The following NKX6-3 variants were observed in gnomAD, a reference collection of about 807,000 sequenced individuals.
NKX6-3 encodes the protein homeobox protein Nkx-6.3.
Under a neutral mutation model 22.0 loss-of-function variants are expected in NKX6-3, and 17 were observed. The ratio of observed to expected loss-of-function variants is 0.77; its 90% CI spans 0.53 to 1.16. The LOEUF is 1.16. NKX6-3 is among the 50% of genes most tolerant of loss of function. The pLI is 0.00. For missense variants in NKX6-3, 363 were observed against 359.0 expected, an observed-to-expected ratio of 1.01 and a Z score of -0.09; for synonymous variants, 177 against 167.2, an observed-to-expected ratio of 1.06 and a Z score of -0.45.
Position 41,650,506 on chromosome 8 carries a change from G to A in NKX6-3, c.-14C>T, listed in dbSNP as rs1223356717. Reference sequence around the variant, plus strand: ...GTTGGACTCCATGATCTCCCAGTCAGGACAGGGAAGGCTTCTCCAGGCCCC... The same window carrying A: ...GTTGGACTCCATGATCTCCCAGTCAAGACAGGGAAGGCTTCTCCAGGCCCC... On this transcript the variant is annotated 5_prime_UTR_variant, in exon 1 of 3. Coordinates refer to ENST00000518699, the MANE Select transcript of NKX6-3 (RefSeq NM_001364841.2). 2 of 1,533,994 alleles carry A rather than the reference G, an allele frequency of 1.3e-6. No homozygotes were observed. Among genetic ancestry groups the A allele is most frequent in the African/African-American group, 2.7e-5 (2 of 72,994 alleles).
Position 41,646,694 on chromosome 8 carries a change from C to A in NKX6-3, c.553G>T (p.Val185Leu). 6.5e-7 allele frequency: 1 copy of A among 1,538,918 alleles called. No individual in the cohort carries two copies. Among genetic ancestry groups the A allele is most frequent in the Non-Finnish European group, 8.7e-7 (1 of 1,145,842 alleles). ...TTGGTCCTGCGGTTCTGGAACCACA[C>A]CTGCGATGAGAAAGAATGTGAAGGG... ...SLGMTESQVK[V>L]WFQNRRTKWR... The change falls in exon 3 of 3, where the codon GTG becomes TTG. Residue 185 changes from valine to leucine, a missense_variant and splice_region_variant. Around this residue, in one of 3 missense-constraint regions of NKX6-3, gnomAD observed 169 missense variants for 155.8 expected, o/e 1.08. Transcript: ENST00000518699.
intron 2 of NKX6-3, 45 bp from the exon 3 acceptor site, chr8:41,646,739 CGGG>C: frequency 6.6e-7 from 1 of 1,517,964 alleles, no homozygotes; most frequent in Non-Finnish European, 8.8e-7. Context: ...ACAGCGCGCA[CGGG>C]ACGCGAGAAC....
At chr8:41,647,955 C>T (rs909645388) in intron 2 of NKX6-3, 111 bp downstream of exon 2, 16 of 961,898 alleles carry the variant, frequency 1.7e-5, no homozygotes, top group African/African-American at 3.3e-5. Context: ...GACACCAGGA[C>T]AGCTGCCCTC....
At chr8:41,647,283 C>CG in intron 2 of NKX6-3, 1 of 1,605,230 alleles carries the variant, frequency 6.2e-7, no homozygotes, top group South Asian at 1.1e-5. Flanking sequence ...GAGGGCGCAG[C>CG]GGGTTGGAGC....
chr8:41,649,570 G>C (rs1804274115), intron 1 of NKX6-3, among the ~76,000 whole-genome samples: 1 of 152,194 alleles, frequency 6.6e-6, no homozygotes, highest in Non-Finnish European at 1.5e-5. Flanking sequence ...CAGGCTACTT[G>C]GTGTGGCTGC....
Position 41,646,280 on chromosome 8 carries a change from GCCTCCCCTCCT to G in NKX6-3, c.*158_*168del, listed in dbSNP as rs1391515502. 1 of 751,924 alleles carries G rather than the reference GCCTCCCCTCCT, an allele frequency of 1.3e-6. No homozygotes were observed. Among genetic ancestry groups the G allele is most frequent in the Non-Finnish European group, 2.0e-6 (1 of 498,490 alleles). The allele number at this position is 751,924 out of a possible 1,614,324, so 46.6% of individuals were successfully genotyped here. On this transcript the variant is annotated 3_prime_UTR_variant, in exon 3 of 3. Coordinates refer to ENST00000518699, the MANE Select transcript of NKX6-3 (RefSeq NM_001364841.2). ...TCCCTCCTTTTCCTCCTCCTCCCCC[GCCTCCCCTCCT>G]CCTCCCCTGCACCTGCTGCTCCTCC...
rs1404988573 is a variant in NKX6-3 at position 41,646,480 on chromosome 8, G to T, written c.767C>A (p.Ser256Ter). The change falls in exon 3 of 3, where the codon TCG becomes TAG. Residue 256 changes from serine to a stop codon, truncating the protein, a stop_gained. Transcript: ENST00000518699. LOFTEE classifies it high-confidence loss of function. ...LLLRKHRAAFSVLSLGAHSV is the reference protein window; with the variant it reads ...LLLRKHRAAF ...GCTGTGCGCTCCCAGGCTGAGCACC[G>T]AGAAGGCGGCGCGGTGCTTGCGCAG... 3.1e-6 allele frequency: 5 copies of T among 1,607,224 alleles called. No homozygotes were observed. In the Admixed American group the frequency reaches 8.4e-5, roughly 27 times the overall value.
At chr8:41,649,041 T>C (rs1804263906) in intron 1 of NKX6-3, among the ~76,000 whole-genome samples, 2 of 151,474 alleles carry the variant, frequency 1.3e-5, no homozygotes, top group Non-Finnish European at 2.9e-5. Flanking sequence ...ACTGAAGAGG[T>C]GGTGTGTGGG....
intron 1 of NKX6-3, among the ~76,000 whole-genome samples, chr8:41,649,309 C>G (rs1411922011): frequency 1.3e-5 from 2 of 152,152 alleles, no homozygotes; most frequent in Non-Finnish European, 2.9e-5. Flanking sequence ...GCCCGGAGAT[C>G]AGACAGAAAT....
At position 41,650,360 on chromosome 8, in the gene NKX6-3, G is replaced by C. The variant is rs1307429837; in HGVS notation, c.133C>G (p.Pro45Ala). 6.5e-7 allele frequency: 1 copy of C among 1,535,168 alleles called. No homozygotes were observed. The change falls in exon 1 of 3, where the codon CCC becomes GCC. Residue 45 changes from proline to alanine, a missense_variant. By Grantham distance (27) the Pro-to-Ala change is conservative. Coordinates refer to ENST00000518699, the MANE Select transcript of NKX6-3 (RefSeq NM_001364841.2). The part of the protein sequence containing the change: ...FYKLSPPGLG[P>A]QLAAGTPHGI... ...TGGGGGGTTCCGGCGGCCAGCTGGG[G>C]GCCCAGCCCTGGGGGGCTGAGCTTG... is the stretch of plus-strand genomic sequence containing the variant.
chr8:41,646,622 C>T lies in NKX6-3; in HGVS notation c.625G>A (p.Ala209Thr), dbSNP rs1056094416. 3.8e-6 allele frequency: 6 copies of T among 1,558,750 alleles called. No homozygotes were observed. The highest frequency in any genetic ancestry group is 2.7e-5 in the African/African-American group (2 of 73,360). ...GCGCCTGCACCCGCGCCGCCCGGGG[C>T]CCGGGGCGTGGAGGACGAGGGCTCC... is the stretch of plus-strand genomic sequence containing the variant. Reference protein sequence around the residue: ...ALEPSSSTPRAPGGAGAGAGG... With the variant: ...ALEPSSSTPRTPGGAGAGAGG... Residue 209 changes from alanine (A) to threonine (T), a missense_variant, in exon 3 of 3, where the codon GCC (alanine) becomes ACC (threonine). By Grantham distance (58) the Ala-to-Thr change is moderately conservative. Coordinates refer to ENST00000518699, the MANE Select transcript of NKX6-3 (RefSeq NM_001364841.2).
chr8:41,650,476 T>TG lies in NKX6-3; in HGVS notation c.16dup (p.Gln6ProfsTer129). 1 of 1,535,546 alleles carries TG rather than the reference T, an allele frequency of 6.5e-7. No homozygotes were observed. Among genetic ancestry groups the TG allele is most frequent in the South Asian group, 1.2e-5 (1 of 83,964 alleles). ...CGTGTTGTTCAGCAGGAACGTCCCC[T>TG]GCAGGTTGGACTCCATGATCTCCCA... On this transcript the variant is annotated frameshift_variant, in exon 1 of 3. Coordinates refer to ENST00000518699, the MANE Select transcript of NKX6-3 (RefSeq NM_001364841.2). LOFTEE classifies it high-confidence loss of function.
intron 1 of NKX6-3, among the ~76,000 whole-genome samples, chr8:41,648,575 C>T (rs531508606): frequency 5.9e-5 from 9 of 152,340 alleles, no homozygotes; most frequent in African/African-American, 2.2e-4. Context: ...CCAGGGATGT[C>T]CCTTCAGGTC....
intron 2 of NKX6-3, among the ~76,000 whole-genome samples, chr8:41,647,700 G>C (rs1387226372): frequency 6.6e-6 from 1 of 152,152 alleles, no homozygotes; most frequent in Non-Finnish European, 1.5e-5. Flanking sequence ...TACGGGGGGA[G>C]AGGGAAAGCC....
Position 41,646,232 on chromosome 8 carries a change from T to G in NKX6-3, c.*217A>C. On this transcript the variant is annotated 3_prime_UTR_variant, in exon 3 of 3. Transcript: ENST00000518699. ...GCCTCCCTCCTGGCCTCCTCCTCCC[T>G]TAGCTAGGATGCCTGTCCCCTTTCC... The G allele has an allele frequency of 1.6e-6, 1 of 640,824 alleles. No homozygotes were observed. The highest frequency in any genetic ancestry group is 2.7e-6 in the Non-Finnish European group (1 of 376,468). 39.7% of individuals were successfully genotyped at this position (640,824 alleles called of 1,614,324 possible). A position where few individuals can be genotyped will look rare whatever the true frequency, so the allele number is the denominator to read the frequency against.
Position 41,646,032 on chromosome 8 carries a change from A to G in NKX6-3, c.*417T>C, listed in dbSNP as rs978512553. The G allele has an allele frequency of 4.9e-6, 1 of 206,108 alleles. No homozygotes were observed. The allele number at this position is 206,108 out of a possible 1,614,324, so 12.8% of individuals were successfully genotyped here. On this transcript the variant is annotated 3_prime_UTR_variant, in exon 3 of 3. Transcript: ENST00000518699. ...CCTCCCTCCCTGGGAAGTCCTGCCCACTCCCCCCGCCCCAACAGCTGGATC... is the reference window on the plus strand; with the variant it reads ...CCTCCCTCCCTGGGAAGTCCTGCCCGCTCCCCCCGCCCCAACAGCTGGATC...
In NKX6-3 at chr8:41,648,090, C is replaced by T; in HGVS notation, c.528G>A (p.Leu176=). ...GPERARLAYS[L]GMTESQVKVW... ...CCTTGACCTGCGACTCGGTCATGCC[C>T]AGTGAGTATGCCAGCCGTGCCCTCT... Residue 176 remains leucine (L), a synonymous_variant, in exon 2 of 3, where the codon CTG becomes CTA. Coordinates refer to ENST00000518699, the MANE Select transcript of NKX6-3 (RefSeq NM_001364841.2). 6.5e-7 allele frequency: 1 copy of T among 1,535,948 alleles called. No individual in the cohort carries two copies. Among genetic ancestry groups the T allele is most frequent in the Non-Finnish European group, 8.7e-7 (1 of 1,146,544 alleles).
chr8:41,648,710 C>T (rs1013160789), intron 1 of NKX6-3, among the ~76,000 whole-genome samples: 15 of 152,242 alleles, frequency 9.9e-5, no homozygotes, highest in South Asian at 2.1e-4. Flanking sequence ...GCAAACCTGA[C>T]GCCCCAAGCT....
chr8:41,649,674 G>A (rs1357079689), intron 1 of NKX6-3, among the ~76,000 whole-genome samples: 1 of 152,206 alleles, frequency 6.6e-6, no homozygotes, highest in Non-Finnish European at 1.5e-5. Flanking sequence ...ACCCTTGAGT[G>A]ATGCCAGGGC....
Sources: allele counts gnomAD v4.1 joint callset (sites outside exome capture counted in the v4.1 genomes callset), GRCh38; gene constraint gnomAD v4.1.1; regional missense constraint gnomAD v4.1.1; transcripts MANE v1.5; gene names NCBI Gene and HGNC (gene_info 2026-07-23, HGNC 2026-07-21).